GOT1: variants seen among roughly 807,000 people sequenced by gnomAD.
GOT1 encodes the protein glutamic-oxaloacetic transaminase 1, also known as aspartate aminotransferase, cytoplasmic.
Under a neutral mutation model 48.2 loss-of-function variants are expected in GOT1, and 25 were observed. The ratio of observed to expected loss-of-function variants is 0.52; its 90% CI spans 0.38 to 0.72. GOT1 has a LOEUF of 0.72. Ranked by LOEUF, GOT1 falls within the 30% of genes least tolerant of loss-of-function variation. GOT1 has a pLI of 0.00. For missense variants in GOT1, 380 were observed against 520.1 expected, an observed-to-expected ratio of 0.73 and a Z score of 2.62; for synonymous variants, 188 against 193.8, an observed-to-expected ratio of 0.97 and a Z score of 0.25.
intron 8 of GOT1, among the ~76,000 whole-genome samples, chr10:99,399,525 C>A (rs1461755204): frequency 2.0e-5 from 3 of 152,112 alleles, no homozygotes; most frequent in Non-Finnish European, 4.4e-5. Context: ...AATCCAAGTA[C>A]TTTGGGAGGC....
Position 99,397,622 on chromosome 10 carries a change from G to A in GOT1, c.1167C>T (p.Asn389=), listed in dbSNP as rs775222620. The A allele has an allele frequency of 8.7e-6, 14 of 1,612,774 alleles. No individual in the cohort carries two copies. The highest frequency in any genetic ancestry group is 2.2e-5 in the East Asian group (1 of 44,896). The stretch of plus-strand genomic sequence containing the variant: ...GATTTTTGGTGGTTAAGCCACTCAC[G>A]TTGATTCGACCACTTGGCAGCAGGT... The part of the protein sequence containing the change: ...HIYLLPSGRI[N]VSGLTTKNLD... Residue 389 remains asparagine, a synonymous_variant, in exon 9 of 9, where the codon AAC becomes AAT. Transcript: ENST00000370508. This position sits in a 1 kb window ranked among gnomAD's most constrained non-coding sequence, Gnocchi z 5.4.
intron 8 of GOT1, among the ~76,000 whole-genome samples, chr10:99,398,034 C>T (rs1006305684): frequency 6.6e-6 from 1 of 152,220 alleles, no homozygotes; most frequent in Non-Finnish European, 1.5e-5. Flanking sequence ...GAAATGCTGG[C>T]TATGAAGTGC....
intron 1 of GOT1, among the ~76,000 whole-genome samples, chr10:99,428,015 GGCCGTCTGAGTCAATGACTCCAATTC>G (rs1554948572): frequency 6.6e-6 from 1 of 152,218 alleles, no homozygotes; most frequent in Non-Finnish European, 1.5e-5. Flanking sequence ...CAGCTGAGGT[GGCCGTCTGAGTCAATGACTCCAATTC>G]TGAGTCCATT....
intron 7 of GOT1, among the ~76,000 whole-genome samples, 157 bp from the exon 8 acceptor site, chr10:99,402,879 C>T (rs1029820056): frequency 6.6e-6 from 1 of 152,088 alleles, no homozygotes. Flanking sequence ...GATTAACATA[C>T]CAGAGAGAGA....
chr10:99,400,524 G>C (rs557948794), intron 8 of GOT1, among the ~76,000 whole-genome samples: 2 of 152,244 alleles, frequency 1.3e-5, no homozygotes, highest in African/African-American at 4.8e-5. Flanking sequence ...TGTGGTCCCA[G>C]CCACTTGGAC....
intron 2 of GOT1, among the ~76,000 whole-genome samples, chr10:99,407,216 C>T (rs751942365): frequency 6.6e-6 from 1 of 152,052 alleles, no homozygotes. Flanking sequence ...CATGCACGCA[C>T]ATGCCTTGGA....
intron 1 of GOT1, among the ~76,000 whole-genome samples, chr10:99,428,018 C>T (rs543810802): frequency 1.3e-5 from 2 of 152,300 alleles, no homozygotes; most frequent in African/African-American, 4.8e-5. Context: ...CTGAGGTGGC[C>T]GTCTGAGTCA....
intron 1 of GOT1, among the ~76,000 whole-genome samples, chr10:99,422,313 C>T (rs1046502795): frequency 6.6e-6 from 1 of 152,206 alleles, no homozygotes; most frequent in Non-Finnish European, 1.5e-5. Context: ...GCCGGTGGAA[C>T]TATGAGTCCA....
chr10:99,403,948 A>C, intron 5 of GOT1, 74 bp from the exon 6 acceptor site: 2 of 1,424,238 alleles, frequency 1.4e-6, no homozygotes, highest in South Asian at 2.3e-5. Context: ...TTCCTTCCCC[A>C]GCTGATGCCT....
Position 99,403,613 on chromosome 10 carries a change from G to A in GOT1, c.815C>T (p.Thr272Ile). The A allele has an allele frequency of 6.2e-7, 1 of 1,614,096 alleles. No homozygotes were observed. Residue 272 changes from threonine to isoleucine, a missense_variant, in exon 7 of 9, where the codon ACT (threonine) becomes ATT (isoleucine). By Grantham distance (89) the Thr-to-Ile change is moderately conservative. Coordinates refer to ENST00000370508, the MANE Select transcript of GOT1 (RefSeq NM_002079.3). Reference protein sequence around the residue: ...GLYNERVGNLTVVGKEPESIL... With the variant: ...GLYNERVGNLIVVGKEPESIL... ...GCTCTCAGGTTCTTTTCCAACCACAGTCAGATTCCCGACTCTCTCATCTAA... is the reference window on the plus strand; with the variant it reads ...GCTCTCAGGTTCTTTTCCAACCACAATCAGATTCCCGACTCTCTCATCTAA...
In GOT1 at chr10:99,405,879, T is replaced by A. The variant is rs778468898; in HGVS notation, c.538-19A>T. On this transcript the variant is annotated intron_variant, in intron 4 of 8. Coordinates refer to ENST00000370508, the MANE Select transcript of GOT1 (RefSeq NM_002079.3). ...GAGCATTCTGAGGAGAAGGAAGCTATGTCAGCTCTGACACTGATGGGAATA... is the reference window on the plus strand; with the variant it reads ...GAGCATTCTGAGGAGAAGGAAGCTAAGTCAGCTCTGACACTGATGGGAATA... The A allele has an allele frequency of 2.3e-5, 31 of 1,353,410 alleles. No individual in the cohort carries two copies. Among genetic ancestry groups the A allele is most frequent in the Admixed American group, 5.0e-5 (3 of 59,712 alleles). 83.8% of individuals were successfully genotyped at this position (1,353,410 alleles called of 1,614,324 possible).
chr10:99,402,723 C>T lies in GOT1; in HGVS notation c.960-1G>A. 2 of 1,613,374 alleles carry T rather than the reference C, an allele frequency of 1.2e-6. No individual in the cohort carries two copies. The highest frequency in any genetic ancestry group is 1.7e-6 in the Non-Finnish European group (2 of 1,179,300). The stretch of plus-strand genomic sequence containing the variant: ...AGCCATTGTCTTCACATTACCTGTC[C>T]TGAAGCATGGACAGTGACGTAAATA... On this transcript the variant is annotated splice_acceptor_variant, in intron 7 of 8. Coordinates refer to ENST00000370508, the MANE Select transcript of GOT1 (RefSeq NM_002079.3). LOFTEE classifies it high-confidence loss of function.
In GOT1 at chr10:99,399,081, G is replaced by A. The variant is rs2032636665; in HGVS notation, c.1103-1395C>T. Among the ~76,000 whole-genome samples, 2 of 152,202 alleles carry A rather than the reference G, an allele frequency of 1.3e-5. 1 individual carries two copies. The highest frequency in any genetic ancestry group is 4.1e-4 in the South Asian group (2 of 4,822). On this transcript the variant is annotated intron_variant, in intron 8 of 8. Transcript: ENST00000370508. ...TACTTTGACATATTTTGAGATGGCT[G>A]TTGAGAGGGCCTACATACAGAAGTA...
intron 3 of GOT1, 98 bp from the exon 4 acceptor site, chr10:99,406,347 T>C (rs1173186974): frequency 9.8e-6 from 8 of 817,024 alleles, no homozygotes; most frequent in South Asian, 5.7e-5. Flanking sequence ...CCAGGCTCAA[T>C]GTCCACTGGG....
intron 2 of GOT1, among the ~76,000 whole-genome samples, chr10:99,417,587 C>T (rs1438580683): frequency 1.3e-5 from 2 of 152,094 alleles, no homozygotes; most frequent in Admixed American, 6.5e-5. Context: ...GGGTATATAC[C>T]CAAAGGATTA....
In GOT1 at chr10:99,430,579, G is replaced by A; in HGVS notation, c.-14C>T. 1 of 1,571,804 alleles carries A rather than the reference G, an allele frequency of 6.4e-7. No homozygotes were observed. The highest frequency in any genetic ancestry group is 1.2e-5 in the South Asian group (1 of 86,266). On this transcript the variant is annotated 5_prime_UTR_variant, in exon 1 of 9. Transcript: ENST00000370508. Reference sequence around the variant, plus strand: ...CGGAGGTGCCATATCGAGAGACTAGGAATCAAGAGATTTCACCCCACGCCC... The same window carrying A: ...CGGAGGTGCCATATCGAGAGACTAGAAATCAAGAGATTTCACCCCACGCCC...
At chr10:99,427,692 G>A (rs1463244244) in intron 1 of GOT1, among the ~76,000 whole-genome samples, 1 of 152,176 alleles carries the variant, frequency 6.6e-6, no homozygotes, top group Non-Finnish European at 1.5e-5. Flanking sequence ...ACGGTGCTGG[G>A]CCTGTACCTA....
chr10:99,416,382 C>A (rs1385569982), intron 2 of GOT1, among the ~76,000 whole-genome samples: 1 of 152,148 alleles, frequency 6.6e-6, no homozygotes, highest in African/African-American at 2.4e-5. Context: ...ATCCAACTTA[C>A]AAGGGATGTG....
At chr10:99,410,983 G>A (rs954130904) in intron 2 of GOT1, among the ~76,000 whole-genome samples, 2 of 152,198 alleles carry the variant, frequency 1.3e-5, no homozygotes, top group African/African-American at 4.8e-5. Flanking sequence ...ACAATTTGCC[G>A]ATACTATGAC....
Sources: allele counts gnomAD v4.1 joint callset (sites outside exome capture counted in the v4.1 genomes callset), GRCh38; gene constraint gnomAD v4.1.1; non-coding constraint Gnocchi (gnomAD v3.1); transcripts MANE v1.5; gene names NCBI Gene and HGNC (gene_info 2026-07-23, HGNC 2026-07-21).